MED12L: variants seen among roughly 807,000 people sequenced by gnomAD.
MED12L encodes mediator of RNA polymerase II transcription subunit 12-like protein.
Under a neutral mutation model 281.3 loss-of-function variants are expected in MED12L, and 60 were observed. The ratio of observed to expected loss-of-function variants is 0.21; its 90% CI spans 0.17 to 0.26. The LOEUF is 0.26. Among genes scored for constraint, MED12L ranks in the 10% least tolerant of loss-of-function variants. The pLI is 1.00. For synonymous variants in MED12L, 974 were observed against 987.2 expected (o/e 0.99, Z 0.25); for missense variants, 2,146 against 2,680.9 (o/e 0.80, Z 4.41).
chr3:151,230,971 G>A (rs1448822820), intron 16 of MED12L, among the ~76,000 whole-genome samples: 2 of 152,138 alleles, frequency 1.3e-5, no homozygotes, highest in Non-Finnish European at 2.9e-5. Context: ...CTTTTGATCA[G>A]AAAGCAAGGA....
rs536255574 is a variant in MED12L at position 151,188,334 on chromosome 3, T to C, written c.1627-20T>C. ...ACTATACTTCTGTAATTAACTTTGT[T>C]ATTTATTTTTAATCTGTAGAGATGT... On this transcript the variant is annotated intron_variant, in intron 12 of 44. Transcript: ENST00000687756. 11 of 1,574,518 alleles carry C rather than the reference T, an allele frequency of 7.0e-6. No homozygotes were observed. The African/African-American group carries it at 1.4e-4, about 19-fold the overall frequency.
At chr3:151,262,446 G>C (rs138756208) in intron 16 of MED12L, among the ~76,000 whole-genome samples, 3 of 152,172 alleles carry the variant, frequency 2.0e-5, no homozygotes, top group Non-Finnish European at 1.5e-5. Flanking sequence ...CTATGGGGTG[G>C]CCCTGACACC....
intron 16 of MED12L, among the ~76,000 whole-genome samples, chr3:151,336,326 C>G (rs541129552): frequency 6.6e-6 from 1 of 151,966 alleles, no homozygotes; most frequent in South Asian, 2.1e-4. Flanking sequence ...TTAGTGGTGC[C>G]GGAGAAAGAA....
intron 31 of MED12L, 26 bp downstream of exon 31, chr3:151,378,199 G>T: frequency 6.4e-7 from 1 of 1,569,668 alleles, no homozygotes; most frequent in Non-Finnish European, 8.7e-7. Context: ...GGGCGTCTGT[G>T]TGAGAGTTTA....
intron 16 of MED12L, among the ~76,000 whole-genome samples, chr3:151,224,378 T>C (rs1730054088): frequency 1.3e-5 from 2 of 152,222 alleles, no homozygotes; most frequent in Admixed American, 1.3e-4. Flanking sequence ...TGTAATCATT[T>C]ATACATTTTT....
At chr3:151,213,478 G>A in intron 16 of MED12L, 1 of 1,614,144 alleles carries the variant, frequency 6.2e-7, no homozygotes, top group Non-Finnish European at 8.5e-7. Flanking sequence ...TAGTAGCAGA[G>A]TGAATTCTTT....
chr3:151,394,945 C>T, intron 39 of MED12L, 78 bp downstream of exon 39: 1 of 1,577,308 alleles, frequency 6.3e-7, no homozygotes, highest in Non-Finnish European at 8.6e-7. Context: ...GGATATGTAG[C>T]ATATTCTTTC....
chr3:151,163,900 C>T lies in MED12L; in HGVS notation c.1115C>T (p.Thr372Ile), dbSNP rs778063502. The change falls in exon 9 of 45, where the codon ACT becomes ATT. Residue 372 changes from threonine (T) to isoleucine (I), a missense_variant. Transcript: ENST00000687756. ...TATCTGTTTCATTTCCAGACTGTCA[C>T]TCTCTGTTGCCCAAGTGCCTTGGTG... ...YGLSCMLQTV[T>I]LCCPSALVWN... 3 of 1,612,434 alleles carry T rather than the reference C, an allele frequency of 1.9e-6. No homozygotes were observed. Among genetic ancestry groups the T allele is most frequent in the Admixed American group, 1.7e-5 (1 of 59,814 alleles).
At chr3:151,248,702 G>T (rs1736248550) in intron 16 of MED12L, among the ~76,000 whole-genome samples, 1 of 151,932 alleles carries the variant, frequency 6.6e-6, no homozygotes, top group African/African-American at 2.4e-5. Flanking sequence ...AACTAGACTT[G>T]GTTTATTACT....
chr3:151,345,777 A>G (rs1752465554), intron 16 of MED12L, among the ~76,000 whole-genome samples: 1 of 152,014 alleles, frequency 6.6e-6, no homozygotes, highest in African/African-American at 2.4e-5. Context: ...TCAGCCTCCC[A>G]AAGTGCTGGG....
At chr3:151,231,857 A>G (rs2149328940) in intron 16 of MED12L, among the ~76,000 whole-genome samples, 1 of 152,352 alleles carries the variant, frequency 6.6e-6, no homozygotes, top group East Asian at 1.9e-4. Context: ...TTAGAAGGGA[A>G]GGGTCATGAT....
At chr3:151,264,822 G>C (rs182156990) in intron 16 of MED12L, among the ~76,000 whole-genome samples, 61 of 152,234 alleles carry the variant, frequency 4.0e-4, no homozygotes, top group African/African-American at 1.4e-3. Context: ...TCCAGAGTTT[G>C]GTCATGGCCT....
chr3:151,266,758 ATAGT>A (rs1003816770), intron 16 of MED12L, among the ~76,000 whole-genome samples: 4 of 152,220 alleles, frequency 2.6e-5, no homozygotes, highest in East Asian at 1.9e-4. Context: ...CATGCAGGAA[ATAGT>A]TAGCTGCCTG....
intron 16 of MED12L, among the ~76,000 whole-genome samples, chr3:151,280,126 C>A (rs1056603976): frequency 6.6e-6 from 1 of 152,152 alleles, no homozygotes; most frequent in African/African-American, 2.4e-5. Context: ...AAAAGGATAG[C>A]CCTACAGGTG....
chr3:151,416,784 C>G (rs1251237433), intron 43 of MED12L, among the ~76,000 whole-genome samples: 1 of 152,170 alleles, frequency 6.6e-6, no homozygotes, highest in Non-Finnish European at 1.5e-5. Flanking sequence ...TTACTATAAT[C>G]TCAAAAACCA....
At chr3:151,368,059 A>G in intron 24 of MED12L, 91 bp from the exon 25 acceptor site, 1 of 1,067,206 alleles carries the variant, frequency 9.4e-7, no homozygotes, top group Non-Finnish European at 1.4e-6. Flanking sequence ...TATTTAAATA[A>G]TTATTCCAGG....
chr3:151,365,905 A>G lies in MED12L; in HGVS notation c.3241A>G (p.Ser1081Gly). Reference sequence around the variant, plus strand: ...GCTTACGGCTTGCTGCACTGTTCTTAGTTCAGAATGGCTGGGGGTTCTGAA... The same window carrying G: ...GCTTACGGCTTGCTGCACTGTTCTTGGTTCAGAATGGCTGGGGGTTCTGAA... ...SELTACCTVL[S>G]SEWLGVLKAL... The change falls in exon 23 of 45, where the codon AGT becomes GGT. Residue 1081 changes from serine (S) to glycine (G), a missense_variant. Coordinates refer to ENST00000687756, the MANE Select transcript of MED12L (RefSeq NM_001393769.1). The G allele has an allele frequency of 6.2e-7, 1 of 1,613,714 alleles. No individual in the cohort carries two copies. The highest frequency in any genetic ancestry group is 8.5e-7 in the Non-Finnish European group (1 of 1,179,754).
intron 5 of MED12L, among the ~76,000 whole-genome samples, chr3:151,152,412 T>C (rs1195615501): frequency 3.3e-5 from 5 of 152,156 alleles, no homozygotes; most frequent in Non-Finnish European, 7.3e-5. Context: ...TCGAAGGTAC[T>C]GAACAGTGAA....
At chr3:151,323,461 C>G (rs1157043931) in intron 16 of MED12L, among the ~76,000 whole-genome samples, 3 of 152,138 alleles carry the variant, frequency 2.0e-5, no homozygotes, top group Non-Finnish European at 4.4e-5. Context: ...AAATGTATTC[C>G]CTATGTCATG....
Sources: allele counts gnomAD v4.1 joint callset (sites outside exome capture counted in the v4.1 genomes callset), GRCh38; gene constraint gnomAD v4.1.1; transcripts MANE v1.5; gene names NCBI Gene and HGNC (gene_info 2026-07-23, HGNC 2026-07-21).